Variants in ODAPH observed in about 807,000 individuals in gnomAD.
The protein encoded by ODAPH is odontogenesis associated phosphoprotein, also known as amelogenesis imperfecta type IIA4.
A neutral mutation model predicts 2.8 loss-of-function variants in ODAPH; 2 were observed. That is an observed-to-expected ratio of 0.72 (90% CI 0.30 to 2.28). ODAPH has a LOEUF of 2.28. Ranked by LOEUF, ODAPH falls within the 30% of genes most tolerant of loss-of-function variation. The pLI is 0.13. For missense variants in ODAPH, 159 were observed against 163.3 expected, an observed-to-expected ratio of 0.97 and a Z score of 0.14; for synonymous variants, 75 against 60.3, an observed-to-expected ratio of 1.24 and a Z score of -1.13.
intron 1 of ODAPH, among the ~76,000 whole-genome samples, chr4:75,560,519 C>T (rs1171120443): frequency 6.6e-6 from 1 of 152,190 alleles, no homozygotes; most frequent in East Asian, 1.9e-4. Context: ...CACTATTGTT[C>T]CCACATTTTA....
intron 1 of ODAPH, among the ~76,000 whole-genome samples, chr4:75,559,993 CAAAA>C (rs1283817575): frequency 2.0e-5 from 3 of 152,036 alleles, no homozygotes; most frequent in Admixed American, 1.3e-4. Context: ...GCCTCCCTGA[CAAAA>C]AGAGAGAGAG....
At chr4:75,561,659 C>T (rs1441950660) in intron 1 of ODAPH, among the ~76,000 whole-genome samples, 1 of 152,082 alleles carries the variant, frequency 6.6e-6, no homozygotes, top group African/African-American at 2.4e-5. Flanking sequence ...CCAGCCTGGC[C>T]AACATGGGGA....
intron 1 of ODAPH, among the ~76,000 whole-genome samples, chr4:75,563,041 T>G (rs1727651515): frequency 1.1e-5 from 1 of 92,634 alleles, no homozygotes; most frequent in African/African-American, 5.0e-5. Context: ...TTTTTTTTTT[T>G]TGAGACAGAG....
chr4:75,556,895 T>C (rs1727357614), intron 1 of ODAPH, among the ~76,000 whole-genome samples: 1 of 152,214 alleles, frequency 6.6e-6, no homozygotes, highest in African/African-American at 2.4e-5. Flanking sequence ...AACTAGATGC[T>C]GTTTACGGAA....
chr4:75,562,927 T>G (rs1187808867), intron 1 of ODAPH, among the ~76,000 whole-genome samples: 1 of 152,004 alleles, frequency 6.6e-6, no homozygotes, highest in African/African-American at 2.4e-5. Flanking sequence ...TTTTATTTTC[T>G]TAACATTAAT....
chr4:75,564,456 A>C lies in ODAPH; in HGVS notation c.*17A>C. ...GAAAGCTGAGAGGGAAGAGAAACCCAAACATACTGAAGCAAAAAAAAGCCT... is the reference window on the plus strand; with the variant it reads ...GAAAGCTGAGAGGGAAGAGAAACCCCAACATACTGAAGCAAAAAAAAGCCT... On this transcript the variant is annotated 3_prime_UTR_variant, in exon 2 of 2. Transcript: ENST00000311623. 4 of 1,614,086 alleles carry C rather than the reference A, an allele frequency of 2.5e-6. No individual in the cohort carries two copies. Among genetic ancestry groups the C allele is most frequent in the Non-Finnish European group, 2.5e-6 (3 of 1,180,042 alleles).
At chr4:75,561,813 C>T (rs1405646875) in intron 1 of ODAPH, among the ~76,000 whole-genome samples, 1 of 152,182 alleles carries the variant, frequency 6.6e-6, no homozygotes, top group African/African-American at 2.4e-5. Flanking sequence ...CACCACTGCA[C>T]TCAAGCCTGG....
Position 75,560,013 on chromosome 4 carries a change from GAC to G in ODAPH, c.67+3865_67+3866del, listed in dbSNP as rs1445424380. On this transcript the variant is annotated intron_variant, in intron 1 of 1. Coordinates refer to ENST00000311623, the MANE Select transcript of ODAPH (RefSeq NM_178497.5). The stretch of plus-strand genomic sequence containing the variant: ...CCTGACAAAAAGAGAGAGAGAGAGA[GAC>G]TTGAACAGGAGTTAGCCAGGCAAAG... Among the ~76,000 whole-genome samples the G allele has an allele frequency of 3.4e-3, 517 of 152,260 alleles. 2 individuals are homozygous for G. Among genetic ancestry groups the G allele is most frequent in the African/African-American group, 0.012 (483 of 41,542 alleles).
intron 1 of ODAPH, among the ~76,000 whole-genome samples, chr4:75,558,280 C>G (rs1337390012): frequency 1.3e-5 from 2 of 152,170 alleles, no homozygotes; most frequent in East Asian, 1.9e-4. Flanking sequence ...TTCTTTGAGT[C>G]TACAAAATAA....
chr4:75,558,840 T>C (rs1000731169), intron 1 of ODAPH, among the ~76,000 whole-genome samples: 1 of 152,092 alleles, frequency 6.6e-6, no homozygotes, highest in African/African-American at 2.4e-5. Flanking sequence ...GGATTACAAG[T>C]GTCTGCCACC....
Position 75,564,361 on chromosome 4 carries a change from T to C in ODAPH, c.315T>C (p.Tyr105=), listed in dbSNP as rs767321689. 1.9e-6 allele frequency: 3 copies of C among 1,614,096 alleles called. No homozygotes were observed. Among genetic ancestry groups the C allele is most frequent in the Middle Eastern group, 1.6e-4 (1 of 6,084 alleles). ...ACCGTTTTCCATTCCAGCCATTTTA[T>C]TGGCCACACCGTTACCTTACTTATA... ...CNHRFPFQPF[Y]WPHRYLTYRY... The change falls in exon 2 of 2, where the codon TAT becomes TAC. Residue 105 remains tyrosine, a synonymous_variant. Transcript: ENST00000311623.
At chr4:75,565,733 G>C (rs1727788116), downstream of ODAPH, 1 of 152,030 alleles carries the variant, frequency 6.6e-6, no homozygotes, top group Non-Finnish European at 1.5e-5. Context: ...TGCAAAAGTT[G>C]CTGTTGCTGC....
intron 1 of ODAPH, among the ~76,000 whole-genome samples, chr4:75,561,392 A>G (rs185214738): frequency 7.9e-5 from 12 of 152,286 alleles, no homozygotes; most frequent in Admixed American, 3.3e-4. Flanking sequence ...CAGTTTTAGA[A>G]TTTCAATGTA....
rs747541499 is a variant in ODAPH, at chr4:75,564,530, C to A, written c.*91C>A. 6.2e-7 allele frequency: 1 copy of A among 1,607,064 alleles called. No homozygotes were observed. The highest frequency in any genetic ancestry group is 1.1e-5 in the South Asian group (1 of 90,554). On this transcript the variant is annotated 3_prime_UTR_variant, in exon 2 of 2. Coordinates refer to ENST00000311623, the MANE Select transcript of ODAPH (RefSeq NM_178497.5). ...AAGATTTCTGTTTTATCTTTCGAAACTAAAACTATTGGATTTGAAGATTAA... is the reference window on the plus strand; with the variant it reads ...AAGATTTCTGTTTTATCTTTCGAAAATAAAACTATTGGATTTGAAGATTAA...
intron 1 of ODAPH, among the ~76,000 whole-genome samples, chr4:75,557,430 G>A (rs536897092): frequency 3.9e-5 from 6 of 152,134 alleles, no homozygotes; most frequent in Admixed American, 2.0e-4. Context: ...ACCTGAGGTC[G>A]GGAGTTCAAA....
intron 1 of ODAPH, among the ~76,000 whole-genome samples, chr4:75,560,055 C>A (rs1727501390): frequency 6.6e-6 from 1 of 152,172 alleles, no homozygotes; most frequent in African/African-American, 2.4e-5. Context: ...CTCTGGGCAT[C>A]TGCAACCACC....
At chr4:75,562,064 TTAAG>T (rs1433599955) in intron 1 of ODAPH, among the ~76,000 whole-genome samples, 1 of 152,194 alleles carries the variant, frequency 6.6e-6, no homozygotes, top group Non-Finnish European at 1.5e-5. Flanking sequence ...GGCTCAATTC[TTAAG>T]TGAGAATCTG....
chr4:75,561,795 C>A (rs1166212294), intron 1 of ODAPH, among the ~76,000 whole-genome samples: 2 of 151,390 alleles, frequency 1.3e-5, no homozygotes, highest in African/African-American at 4.9e-5. Flanking sequence ...TGCAGTGAGC[C>A]GAGATCTCAC....
chr4:75,561,223 C>CAAAAA lies in ODAPH; in HGVS notation c.68-2874_68-2870dup, dbSNP rs35040152. 1.3e-3 allele frequency among the ~76,000 whole-genome samples: 80 copies of CAAAAA among 62,588 alleles called. 1 individual carries two copies. The highest frequency in any genetic ancestry group is 1.7e-3 in the East Asian group (3 of 1,720). The allele number at this position is 62,588 out of a possible 152,430, so 41.1% of individuals were successfully genotyped here. A position where few individuals can be genotyped will look rare whatever the true frequency, so the allele number is the denominator to read the frequency against. The stretch of plus-strand genomic sequence containing the variant: ...TGGGCAACAGAGCGAAACTCAATCT[C>CAAAAA]AAAAAAAAAAAAAAAAAAAAACGAG... On this transcript the variant is annotated intron_variant, in intron 1 of 1. Coordinates refer to ENST00000311623, the MANE Select transcript of ODAPH (RefSeq NM_178497.5).
Sources: allele counts gnomAD v4.1 joint callset (sites outside exome capture counted in the v4.1 genomes callset), GRCh38; gene constraint gnomAD v4.1.1; transcripts MANE v1.5; gene names NCBI Gene and HGNC (gene_info 2026-07-23, HGNC 2026-07-21).